Variants in LAT observed in about 807,000 individuals in gnomAD.
LAT encodes linker for activation of T-cells family member 1.
Under a neutral mutation model 39.1 loss-of-function variants are expected in LAT, and 12 were observed. The observed-to-expected ratio is 0.31, with a 90% confidence interval of 0.20 to 0.50. The LOEUF (loss-of-function observed/expected upper bound fraction) is 0.50, where lower values mean the gene tolerates loss of function less well. Among genes scored for constraint, LAT ranks in the 20% least tolerant of loss-of-function variants. The pLI is 0.98. For synonymous variants in LAT, 117 were observed against 123.8 expected (o/e 0.95, Z 0.36); for missense variants, 253 against 308.0 (o/e 0.82, Z 1.34).
chr16:28,989,630 G>A lies in LAT; in HGVS notation c.556+41G>A, dbSNP rs182067462. 897 of 1,590,456 alleles carry A rather than the reference G, an allele frequency of 5.6e-4. 6 individuals are homozygous for A. The African/African-American group carries it at 8.1e-3, about 14-fold the overall frequency. On this transcript the variant is annotated intron_variant, in intron 9 of 11. Coordinates refer to ENST00000395456, the MANE Select transcript of LAT (RefSeq NM_001014987.2). ...TTGTCGGTGCCTGCCCCTGCACCCC[G>A]CTGCCCCACCATGCTCTCAGTGTGA...
In LAT at chr16:28,989,226, C is replaced by T; in HGVS notation, c.494-301C>T. On this transcript the variant is annotated intron_variant, in intron 8 of 11. Coordinates refer to ENST00000395456, the MANE Select transcript of LAT (RefSeq NM_001014987.2). ...CCGCACTACATCCCTGCTCCCCAGC[C>T]TAGGGGCTGTGCTGGGGCCTGACCC... 4 of 341,340 alleles carry T rather than the reference C, an allele frequency of 1.2e-5. No homozygotes were observed. The East Asian group carries it at 2.1e-4, about 18-fold the overall frequency. 21.1% of individuals were successfully genotyped at this position (341,340 alleles called of 1,614,324 possible). A position where few individuals can be genotyped will look rare whatever the true frequency, so the allele number is the denominator to read the frequency against.
At chr16:28,989,397 G>C (rs1965823567) in intron 8 of LAT, 130 bp from the exon 9 acceptor site, 1 of 730,868 alleles carries the variant, frequency 1.4e-6, no homozygotes, top group South Asian at 1.8e-5. Flanking sequence ...GGCTAATGGG[G>C]GTGGCTGTGT....
rs374150900 is a variant in LAT at position 28,986,612 on chromosome 16, G to A, written c.340+43G>A. 1.9e-6 allele frequency: 3 copies of A among 1,613,668 alleles called. No individual in the cohort carries two copies. In the African/African-American group the frequency reaches 4.0e-5, roughly 22 times the overall value. ...GGTGCCCAGGCTGGGTGGGGAGTCT[G>A]GGGTCCGTCCTGGACTAGGCTGACC... On this transcript the variant is annotated intron_variant, in intron 6 of 11. Transcript: ENST00000395456. The surrounding 1 kb of genome is among the most constrained non-coding windows in gnomAD (Gnocchi z 5.7).
intron 8 of LAT, 41 bp from the exon 9 acceptor site, chr16:28,989,486 T>C (rs200982471): frequency 1.3e-6 from 2 of 1,524,512 alleles, no homozygotes; most frequent in Non-Finnish European, 1.8e-6. Flanking sequence ...TGGCCAAGGG[T>C]CTCTGGTCAC....
chr16:28,986,310 C>T lies in LAT; in HGVS notation c.246-72C>T, dbSNP rs781160519. On this transcript the variant is annotated intron_variant, in intron 4 of 11. Transcript: ENST00000395456. The surrounding 1 kb of genome is among the most constrained non-coding windows in gnomAD (Gnocchi z 5.7). ...CCTTCACTTTTTTGGATTGGGGGCC[C>T]CTTTCCCTTTTGCAACTGCTGTTGC... The T allele has an allele frequency of 1.9e-6, 3 of 1,590,308 alleles. No homozygotes were observed. Among genetic ancestry groups the T allele is most frequent in the Non-Finnish European group, 2.6e-6 (3 of 1,161,856 alleles).
At chr16:28,990,048 C>T (rs759351836) in intron 11 of LAT, 29 bp downstream of exon 11, 2 of 1,572,562 alleles carry the variant, frequency 1.3e-6, no homozygotes, top group Non-Finnish European at 1.7e-6. Flanking sequence ...CCCCACCCTG[C>T]CCTGGGCCCA....
chr16:28,985,370 C>G lies in LAT; in HGVS notation c.-48C>G, dbSNP rs1424379203. ...ATCTTCATCTGGCCTTGACTCTGCC[C>G]TTGAGGGGCCTAGGGGTGCAGCCAG... On this transcript the variant is annotated 5_prime_UTR_variant, in exon 1 of 12. Coordinates refer to ENST00000395456, the MANE Select transcript of LAT (RefSeq NM_001014987.2). The surrounding 1 kb of genome is among the most constrained non-coding windows in gnomAD (Gnocchi z 4.6). The G allele has an allele frequency of 6.2e-7, 1 of 1,610,212 alleles. No individual in the cohort carries two copies. Among genetic ancestry groups the G allele is most frequent in the African/African-American group, 1.3e-5 (1 of 74,848 alleles).
Position 28,986,968 on chromosome 16 carries a change from G to A in LAT, c.493+75G>A, listed in dbSNP as rs747065807. 2.3e-5 allele frequency: 29 copies of A among 1,260,528 alleles called. No individual in the cohort carries two copies. The highest frequency in any genetic ancestry group is 4.1e-5 in the Admixed American group (2 of 49,278). 78.1% of individuals were successfully genotyped at this position (1,260,528 alleles called of 1,614,324 possible). On this transcript the variant is annotated intron_variant, in intron 8 of 11. Transcript: ENST00000395456. The surrounding 1 kb of genome is among the most constrained non-coding windows in gnomAD (Gnocchi z 5.7). ...GAGTGCAGTGGTGCCATTGTAGCTCGCTGCAGCCTTGAACTCCTGGGCTCC... is the reference window on the plus strand; with the variant it reads ...GAGTGCAGTGGTGCCATTGTAGCTCACTGCAGCCTTGAACTCCTGGGCTCC...
In LAT at chr16:28,985,272, G is replaced by A; in HGVS notation, c.-146G>A. On this transcript the variant is annotated 5_prime_UTR_variant, in exon 1 of 12. Coordinates refer to ENST00000395456, the MANE Select transcript of LAT (RefSeq NM_001014987.2). This position sits in a 1 kb window ranked among gnomAD's most constrained non-coding sequence, Gnocchi z 4.6. ...CGGGAGCCCCGGGGAGGGCACAGCT[G>A]CCTCCTCCCGGGCTCCCCTGCCACC... 1 of 1,458,294 alleles carries A rather than the reference G, an allele frequency of 6.9e-7. No individual in the cohort carries two copies. The highest frequency in any genetic ancestry group is 1.4e-5 in the South Asian group (1 of 71,464). 90.3% of individuals were successfully genotyped at this position (1,458,294 alleles called of 1,614,324 possible). A position where few individuals can be genotyped will look rare whatever the true frequency, so the allele number is the denominator to read the frequency against.
In LAT at chr16:28,985,339, C is replaced by T. The variant is rs1284449092; in HGVS notation, c.-79C>T. The stretch of plus-strand genomic sequence containing the variant: ...CCTGCTCCCTGCCGGGTCCGGTCCT[C>T]ACCCCATCTTCATCTGGCCTTGACT... On this transcript the variant is annotated 5_prime_UTR_variant, in exon 1 of 12. Coordinates refer to ENST00000395456, the MANE Select transcript of LAT (RefSeq NM_001014987.2). This position sits in a 1 kb window ranked among gnomAD's most constrained non-coding sequence, Gnocchi z 4.6. The T allele has an allele frequency of 1.3e-6, 2 of 1,591,710 alleles. No individual in the cohort carries two copies. Among genetic ancestry groups the T allele is most frequent in the Non-Finnish European group, 1.7e-6 (2 of 1,168,752 alleles).
Position 28,990,280 on chromosome 16 carries a change from C to T in LAT, c.*99C>T. ...TCTGGGGTCCTCACATGGCGTCCTG[C>T]CCTTGCTCCAGCCTGACAACAGCCT... On this transcript the variant is annotated 3_prime_UTR_variant, in exon 12 of 12. Coordinates refer to ENST00000395456, the MANE Select transcript of LAT (RefSeq NM_001014987.2). 2 of 669,852 alleles carry T rather than the reference C, an allele frequency of 3.0e-6. No homozygotes were observed. The highest frequency in any genetic ancestry group is 2.7e-6 in the Non-Finnish European group (1 of 364,198). The allele number at this position is 669,852 out of a possible 1,614,324, so 41.5% of individuals were successfully genotyped here.
In LAT at chr16:28,989,580, G is replaced by A. The variant is rs1479700960; in HGVS notation, c.547G>A (p.Ala183Thr). The change falls in exon 9 of 12, where the codon GCG (alanine) becomes ACG (threonine). Residue 183 changes from alanine to threonine, a missense_variant. Transcript: ENST00000395456. ...TCCGGAGAGCGGGGAGAGCGCAGAA[G>A]CGTCTCTGGGTGAGTGACCGGTGCT... ...NVPESGESAE[A>T]SLDGSREYVN... 1 of 1,610,764 alleles carries A rather than the reference G, an allele frequency of 6.2e-7. No homozygotes were observed. Among genetic ancestry groups the A allele is most frequent in the Non-Finnish European group, 8.5e-7 (1 of 1,178,226 alleles).
chr16:28,985,323 T>G lies in LAT; in HGVS notation c.-95T>G. On this transcript the variant is annotated 5_prime_UTR_variant, in exon 1 of 12. Coordinates refer to ENST00000395456, the MANE Select transcript of LAT (RefSeq NM_001014987.2). The surrounding 1 kb of genome is among the most constrained non-coding windows in gnomAD (Gnocchi z 4.6). ...TGGTGCCTACCTGCCCCCTGCTCCC[T>G]GCCGGGTCCGGTCCTCACCCCATCT... is the stretch of plus-strand genomic sequence containing the variant. The G allele has an allele frequency of 3.8e-6, 6 of 1,558,854 alleles. No individual in the cohort carries two copies. The highest frequency in any genetic ancestry group is 5.2e-6 in the Non-Finnish European group (6 of 1,150,694).
At chr16:28,987,083 A>T (rs921641657) in intron 8 of LAT, among the ~76,000 whole-genome samples, 190 bp downstream of exon 8, 9 of 151,880 alleles carry the variant, frequency 5.9e-5, no homozygotes, top group South Asian at 4.2e-4. Context: ...TATTTAAAAA[A>T]TTTTTTTTGT....
chr16:28,985,167 T>A lies in LAT; in HGVS notation c.-251T>A, dbSNP rs752316132. The A allele has an allele frequency of 4.2e-6, 6 of 1,429,158 alleles. No homozygotes were observed. Among genetic ancestry groups the A allele is most frequent in the Non-Finnish European group, 5.5e-6 (6 of 1,096,314 alleles). The allele number at this position is 1,429,158 out of a possible 1,614,324, so 88.5% of individuals were successfully genotyped here. A position where few individuals can be genotyped will look rare whatever the true frequency, so the allele number is the denominator to read the frequency against. On this transcript the variant is annotated 5_prime_UTR_variant, in exon 1 of 12. Coordinates refer to ENST00000395456, the MANE Select transcript of LAT (RefSeq NM_001014987.2). This position sits in a 1 kb window ranked among gnomAD's most constrained non-coding sequence, Gnocchi z 4.6. The stretch of plus-strand genomic sequence containing the variant: ...GATCCCCCGACTTCAGCCCAGGCCC[T>A]GGTCTGACCACCCTGGGAGCAGGGA...
intron 8 of LAT, 110 bp downstream of exon 8, chr16:28,987,003 C>G: frequency 2.3e-6 from 2 of 872,902 alleles, no homozygotes; most frequent in Non-Finnish European, 3.5e-6. Flanking sequence ...CAGTGATCCT[C>G]CCAAGTAGGC....
intron 9 of LAT, 84 bp downstream of exon 9, chr16:28,989,673 G>T: frequency 1.3e-6 from 2 of 1,583,744 alleles, no homozygotes; most frequent in South Asian, 1.1e-5. Context: ...CCACCCTGGG[G>T]CTACCCACAC....
At position 28,989,776 on chromosome 16, in the gene LAT, G is replaced by A. The variant is rs375039365; in HGVS notation, c.559G>A (p.Gly187Ser). 1 of 1,613,970 alleles carries A rather than the reference G, an allele frequency of 6.2e-7. No individual in the cohort carries two copies. Among genetic ancestry groups the A allele is most frequent in the Non-Finnish European group, 8.5e-7 (1 of 1,180,024 alleles). The change falls in exon 10 of 12, where the codon GGC becomes AGC. Residue 187 changes from glycine (G) to serine (S), a missense_variant and splice_region_variant. Physicochemically the swap from Gly to Ser is moderately conservative, Grantham distance 56 (BLOSUM62 0). Coordinates refer to ENST00000395456, the MANE Select transcript of LAT (RefSeq NM_001014987.2). ...SGESAEASLD[G>S]SREYVNVSQE... Reference sequence around the variant, plus strand: ...CTCCTTCTGATCTGTCCCCACAGATGGCAGCCGGGAGTATGTGAATGTGTC... The same window carrying A: ...CTCCTTCTGATCTGTCCCCACAGATAGCAGCCGGGAGTATGTGAATGTGTC...
chr16:28,987,208 C>T (rs745686296), intron 8 of LAT, among the ~76,000 whole-genome samples: 2 of 152,228 alleles, frequency 1.3e-5, no homozygotes, highest in Non-Finnish European at 2.9e-5. Context: ...CCATGCCCGG[C>T]CCTGTTCTTC....
Sources: gnomAD v4.1 joint callset for allele counts (sites outside exome capture counted in the v4.1 genomes callset) on GRCh38, gnomAD v4.1.1 for gene constraint, Gnocchi (gnomAD v3.1) non-coding constraint, MANE v1.5 for transcripts, NCBI Gene and HGNC (gene_info 2026-07-23, HGNC 2026-07-21) for gene names.